The following FILIP1L variants were observed in gnomAD, a reference collection of about 807,000 sequenced individuals.
FILIP1L encodes filamin A-interacting protein 1-like.
In FILIP1L, 55 loss-of-function variants were observed where a neutral mutation model predicts 96.6. The ratio of observed to expected loss-of-function variants is 0.57; its 90% CI spans 0.46 to 0.71. The LOEUF is 0.71. Ranked by LOEUF, FILIP1L falls within the 30% of genes least tolerant of loss-of-function variation. The pLI is 0.00. For missense variants in FILIP1L, 1,304 were observed against 1,321.2 expected (o/e 0.99, Z 0.20); for synonymous variants, 467 against 473.9 (o/e 0.99, Z 0.19).
chr3:99,930,777 C>T lies in FILIP1L; in HGVS notation c.244G>A (p.Glu82Lys). The change falls in exon 2 of 6, where the codon GAA becomes AAA. Residue 82 changes from glutamate (E) to lysine (K), a missense_variant. By Grantham distance (56) the Glu-to-Lys change is moderately conservative (BLOSUM62 1). Transcript: ENST00000477258. ...LLFLLSILEG[E>K]LQARDEVIGI... ...ACTCCAACCCAGCTGACCTGCAGTT[C>T]TCCCTCCAGAATGCTGAGGAGAAAT... 1 of 1,613,328 alleles carries T rather than the reference C, an allele frequency of 6.2e-7. No homozygotes were observed. The highest frequency in any genetic ancestry group is 8.5e-7 in the Non-Finnish European group (1 of 1,179,806).
At chr3:99,838,149 C>T (rs1942975279) in intron 5 of FILIP1L, among the ~76,000 whole-genome samples, 1 of 152,196 alleles carries the variant, frequency 6.6e-6, no homozygotes, top group Non-Finnish European at 1.5e-5. Context: ...ATAAAGTGGA[C>T]ACTGACTGCA....
intron 4 of FILIP1L, among the ~76,000 whole-genome samples, chr3:99,862,641 A>G (rs1944319305): frequency 6.6e-6 from 1 of 152,234 alleles, no homozygotes; most frequent in South Asian, 2.1e-4. Context: ...GTCTCCAGAC[A>G]ACTACTGAAT....
At chr3:100,065,809 A>G (rs2065653887) in intron 1 of FILIP1L, among the ~76,000 whole-genome samples, 1 of 152,354 alleles carries the variant, frequency 6.6e-6, no homozygotes, top group South Asian at 2.1e-4. Context: ...TACTAATTCA[A>G]TTCCATCAAT....
At chr3:99,940,920 G>T (rs1480176705) in intron 1 of FILIP1L, among the ~76,000 whole-genome samples, 2 of 152,198 alleles carry the variant, frequency 1.3e-5, no homozygotes, top group Non-Finnish European at 2.9e-5. Flanking sequence ...ATAGAGATGG[G>T]TTGTTGTAGA....
At chr3:99,918,692 G>A (rs1218720269) in intron 4 of FILIP1L, among the ~76,000 whole-genome samples, 10 of 152,120 alleles carry the variant, frequency 6.6e-5, no homozygotes, top group Admixed American at 6.5e-4. Context: ...TGGTTTTTTA[G>A]TACCCACATG....
At chr3:99,927,661 G>A (rs979129091) in intron 3 of FILIP1L, among the ~76,000 whole-genome samples, 31 of 152,146 alleles carry the variant, frequency 2.0e-4, no homozygotes, top group African/African-American at 6.3e-4. Context: ...GAGCCACTGC[G>A]CCCGGCCCAT....
chr3:100,016,005 TA>T (rs1470406491), intron 1 of FILIP1L, among the ~76,000 whole-genome samples: 2 of 152,224 alleles, frequency 1.3e-5, no homozygotes, highest in African/African-American at 4.8e-5. Flanking sequence ...TTCATTGCTT[TA>T]CCTTAAAAGA....
At chr3:100,060,779 G>A (rs2065549902) in intron 1 of FILIP1L, among the ~76,000 whole-genome samples, 1 of 152,144 alleles carries the variant, frequency 6.6e-6, no homozygotes, top group East Asian at 1.9e-4. Flanking sequence ...GGAGGATAAC[G>A]AGCGTGGGAG....
intron 1 of FILIP1L, among the ~76,000 whole-genome samples, chr3:100,073,970 C>T (rs1380631310): frequency 1.3e-5 from 2 of 152,088 alleles, no homozygotes; most frequent in Admixed American, 6.5e-5. Context: ...GGCCATTTTG[C>T]ACGCCATGGT....
intron 1 of FILIP1L, among the ~76,000 whole-genome samples, chr3:100,088,157 T>A (rs1576041690): frequency 6.6e-6 from 1 of 152,184 alleles, no homozygotes; most frequent in Non-Finnish European, 1.5e-5. Flanking sequence ...TAAACTACTT[T>A]TGTAGGTTTT....
At chr3:100,043,409 T>G (rs1478014688) in intron 1 of FILIP1L, among the ~76,000 whole-genome samples, 1 of 152,220 alleles carries the variant, frequency 6.6e-6, no homozygotes, top group East Asian at 1.9e-4. Context: ...TTGAGGCTTA[T>G]AGCAGCTCAG....
rs534720770 is a variant in FILIP1L, at chr3:99,857,544, A to G, written c.606-6474T>C. ...TATGTTTGTTTATTACATAAGCAAC[A>G]TTGTATCAACAGCAGTGACAGTGGA... is the stretch of plus-strand genomic sequence containing the variant. On this transcript the variant is annotated intron_variant, in intron 4 of 5. Coordinates refer to ENST00000477258, the MANE Select transcript of FILIP1L (RefSeq NM_001387850.1). Among the ~76,000 whole-genome samples, 340 of 152,388 alleles carry G rather than the reference A, an allele frequency of 2.2e-3. 1 individual carries two copies. The highest frequency in any genetic ancestry group is 4.2e-3 in the Non-Finnish European group (283 of 68,044).
chr3:100,015,868 C>T (rs368837267), intron 1 of FILIP1L, among the ~76,000 whole-genome samples: 6 of 152,014 alleles, frequency 3.9e-5, no homozygotes, highest in Admixed American at 1.3e-4. Flanking sequence ...AATAATGAGG[C>T]GATGTATATA....
At chr3:99,872,131 C>G (rs1010575687) in intron 4 of FILIP1L, among the ~76,000 whole-genome samples, 3 of 152,082 alleles carry the variant, frequency 2.0e-5, no homozygotes, top group Non-Finnish European at 4.4e-5. Context: ...GGGGCCCTGG[C>G]CCTACCTCTG....
At chr3:99,991,885 T>C (rs914745113) in intron 1 of FILIP1L, among the ~76,000 whole-genome samples, 6 of 150,014 alleles carry the variant, frequency 4.0e-5, no homozygotes, top group Admixed American at 6.7e-5. Flanking sequence ...CACATATATG[T>C]ATATATGTGT....
chr3:99,846,831 G>T (rs1216738925), intron 5 of FILIP1L, among the ~76,000 whole-genome samples: 1 of 152,084 alleles, frequency 6.6e-6, no homozygotes, highest in Non-Finnish European at 1.5e-5. Flanking sequence ...ATCAATAACT[G>T]GCAATAAAAT....
intron 1 of FILIP1L, among the ~76,000 whole-genome samples, chr3:99,981,869 T>C (rs1709134500): frequency 6.6e-6 from 1 of 152,202 alleles, no homozygotes; most frequent in African/African-American, 2.4e-5. Flanking sequence ...CCAGGCATGG[T>C]GGCTCACACC....
At chr3:99,983,389 A>AATATATAT (rs397990626) in intron 1 of FILIP1L, among the ~76,000 whole-genome samples, 5 of 40,786 alleles carry the variant, frequency 1.2e-4, no homozygotes, top group African/African-American at 5.1e-4. Context: ...TAAATAAATA[A>AATATATAT]ATATATATAT....
At position 99,848,762 on chromosome 3, in the gene FILIP1L, C is replaced by T. The variant is rs371787329; in HGVS notation, c.2914G>A (p.Gly972Ser). 1.1e-5 allele frequency: 17 copies of T among 1,614,024 alleles called. No individual in the cohort carries two copies. The East Asian group carries it at 1.1e-4, about 11-fold the overall frequency. The change falls in exon 5 of 6, where the codon GGC becomes AGC. Residue 972 changes from glycine (G) to serine (S), a missense_variant. Transcript: ENST00000477258. Reference sequence around the variant, plus strand: ...GTTGCCATGGTAATTGGGGACATGCCTTGTTCTAAATTCATGAGGTCTTCG... The same window carrying T: ...GTTGCCATGGTAATTGGGGACATGCTTTGTTCTAAATTCATGAGGTCTTCG... ...STEDLMNLEQ[G>S]MSPITMATFA...
Sources: gnomAD v4.1 joint callset for allele counts (sites outside exome capture counted in the v4.1 genomes callset) on GRCh38, gnomAD v4.1.1 for gene constraint, MANE v1.5 for transcripts, NCBI Gene and HGNC (gene_info 2026-07-23, HGNC 2026-07-21) for gene names.